The following CLYBL variants were observed in gnomAD, a reference collection of about 807,000 sequenced individuals.
CLYBL encodes citramalyl-CoA lyase, mitochondrial.
In CLYBL, 31 loss-of-function variants were observed where a neutral mutation model predicts 38.9. The ratio of observed to expected loss-of-function variants is 0.80; its 90% CI spans 0.60 to 1.08. The LOEUF (loss-of-function observed/expected upper bound fraction) is 1.08, where lower values mean the gene tolerates loss of function less well. CLYBL is among the 50% of genes least tolerant of loss of function. The pLI, the probability that CLYBL is intolerant of heterozygous loss-of-function variation, is 0.00. For synonymous variants in CLYBL, 171 were observed against 158.6 expected (o/e 1.08, Z -0.59); for missense variants, 434 against 411.6 (o/e 1.05, Z -0.47).
chr13:99,790,804 A>G (rs772742200), intron 2 of CLYBL, among the ~76,000 whole-genome samples: 1 of 152,056 alleles, frequency 6.6e-6, no homozygotes, highest in Non-Finnish European at 1.5e-5. Flanking sequence ...CTTCCCCACC[A>G]TTCTGGGGAT....
At chr13:99,780,087 A>G (rs1193943311) in intron 2 of CLYBL, among the ~76,000 whole-genome samples, 1 of 152,186 alleles carries the variant, frequency 6.6e-6, no homozygotes, top group Non-Finnish European at 1.5e-5. Flanking sequence ...AGTCTAGTTG[A>G]AATCTATTCT....
intron 1 of CLYBL, among the ~76,000 whole-genome samples, chr13:99,609,897 C>G (rs1398962628): frequency 6.6e-6 from 1 of 151,592 alleles, no homozygotes; most frequent in African/African-American, 2.4e-5. Flanking sequence ...CGTTCTCATA[C>G]TTTCCTTTAG....
chr13:99,902,154 A>G (rs1168640257), intron 8 of CLYBL, among the ~76,000 whole-genome samples: 1 of 152,210 alleles, frequency 6.6e-6, no homozygotes, highest in Non-Finnish European at 1.5e-5. Context: ...AAACTCATAA[A>G]ATGTAATTTC....
chr13:99,665,875 G>A (rs972496574), intron 1 of CLYBL, among the ~76,000 whole-genome samples: 3 of 152,162 alleles, frequency 2.0e-5, no homozygotes, highest in African/African-American at 4.8e-5. Context: ...GATGGAATTC[G>A]CGCCACCCTG....
intron 2 of CLYBL, among the ~76,000 whole-genome samples, chr13:99,850,470 C>A (rs570362310): frequency 6.6e-6 from 1 of 152,164 alleles, no homozygotes; most frequent in South Asian, 2.1e-4. Flanking sequence ...GCACATCACA[C>A]CACTAGGATG....
intron 2 of CLYBL, among the ~76,000 whole-genome samples, chr13:99,847,934 G>C (rs577921831): frequency 8.0e-4 from 122 of 152,280 alleles, no homozygotes; most frequent in African/African-American, 2.8e-3. Flanking sequence ...GGCTGCCCCT[G>C]CCCTTCAGGG....
intron 1 of CLYBL, among the ~76,000 whole-genome samples, chr13:99,640,833 C>T (rs916044322): frequency 2.6e-5 from 4 of 152,094 alleles, no homozygotes; most frequent in African/African-American, 9.7e-5. Context: ...ATGCATGTAC[C>T]CAGATATAGA....
At chr13:99,748,703 T>G (rs1217422994) in intron 1 of CLYBL, among the ~76,000 whole-genome samples, 4 of 151,648 alleles carry the variant, frequency 2.6e-5, no homozygotes, top group Non-Finnish European at 4.4e-5. Context: ...CCTCTCAAAG[T>G]GCTGGAATTA....
intron 1 of CLYBL, among the ~76,000 whole-genome samples, chr13:99,763,063 T>G (rs890886931): frequency 4.6e-5 from 7 of 152,256 alleles, no homozygotes; most frequent in African/African-American, 1.7e-4. Flanking sequence ...TTCTAACAGC[T>G]GTTTGGTGGA....
At chr13:99,765,676 T>C (rs2049255097) in intron 1 of CLYBL, among the ~76,000 whole-genome samples, 1 of 152,008 alleles carries the variant, frequency 6.6e-6, no homozygotes, top group Non-Finnish European at 1.5e-5. Flanking sequence ...CCCGAGTAAC[T>C]GGGACAACAG....
intron 2 of CLYBL, among the ~76,000 whole-genome samples, chr13:99,799,692 G>C (rs975080080): frequency 1.3e-5 from 2 of 152,186 alleles, no homozygotes; most frequent in Non-Finnish European, 2.9e-5. Context: ...GGAAGGGTGT[G>C]TCTACATGGC....
intron 1 of CLYBL, among the ~76,000 whole-genome samples, chr13:99,684,502 A>C (rs2047789630): frequency 6.6e-6 from 1 of 152,182 alleles, no homozygotes; most frequent in Non-Finnish European, 1.5e-5. Context: ...GATTCCGACC[A>C]CATGAATGAA....
chr13:99,752,329 G>A (rs1202857715), intron 1 of CLYBL, among the ~76,000 whole-genome samples: 1 of 152,160 alleles, frequency 6.6e-6, no homozygotes, highest in East Asian at 1.9e-4. Context: ...CATTCATTCA[G>A]CCTGCATGTG....
At chr13:99,685,672 C>T (rs1026714093) in intron 1 of CLYBL, among the ~76,000 whole-genome samples, 4 of 152,078 alleles carry the variant, frequency 2.6e-5, no homozygotes, top group African/African-American at 7.2e-5. Context: ...TCTCAAGAAC[C>T]TCTTAGAGGC....
At chr13:99,883,677 A>T (rs2052275106) in intron 7 of CLYBL, among the ~76,000 whole-genome samples, 1 of 151,924 alleles carries the variant, frequency 6.6e-6, no homozygotes, top group Admixed American at 6.6e-5. Context: ...CTCCTACCAC[A>T]CCCCTTAGTT....
chr13:99,732,049 T>C (rs893265188), intron 1 of CLYBL, among the ~76,000 whole-genome samples: 2 of 152,108 alleles, frequency 1.3e-5, no homozygotes, highest in Non-Finnish European at 2.9e-5. Flanking sequence ...CTTGGGGCTA[T>C]GTTTGTTTTT....
At chr13:99,777,282 G>C (rs908278440) in intron 2 of CLYBL, among the ~76,000 whole-genome samples, 2 of 152,104 alleles carry the variant, frequency 1.3e-5, no homozygotes, top group Non-Finnish European at 2.9e-5. Flanking sequence ...TTCATCAAAT[G>C]CCTTTTCAAA....
intron 2 of CLYBL, among the ~76,000 whole-genome samples, chr13:99,846,377 C>T (rs1292863768): frequency 2.0e-5 from 3 of 150,552 alleles, no homozygotes; most frequent in African/African-American, 2.4e-5. Context: ...CTGCAAGCTC[C>T]GCCTGTGTGG....
At chr13:99,744,455 A>G (rs980776110) in intron 1 of CLYBL, among the ~76,000 whole-genome samples, 2 of 152,180 alleles carry the variant, frequency 1.3e-5, no homozygotes, top group African/African-American at 4.8e-5. Context: ...TGACCTAGTC[A>G]GACGTAAACC....
Sources: gnomAD v4.1 joint callset for allele counts (sites outside exome capture counted in the v4.1 genomes callset) on GRCh38, gnomAD v4.1.1 for gene constraint, MANE v1.5 for transcripts, NCBI Gene and HGNC (gene_info 2026-07-23, HGNC 2026-07-21) for gene names.